CCNT2: variants seen among roughly 807,000 people sequenced by gnomAD.
The protein encoded by CCNT2 is cyclin-T2.
A neutral mutation model predicts 70.0 loss-of-function variants in CCNT2; 18 were observed. The observed-to-expected ratio is 0.26, with a 90% confidence interval of 0.18 to 0.38. The LOEUF (loss-of-function observed/expected upper bound fraction) is 0.38, where lower values mean the gene tolerates loss of function less well. Ranked by LOEUF, CCNT2 falls within the 10% of genes least tolerant of loss-of-function variation. CCNT2 has a pLI of 1.00. For missense variants in CCNT2, 734 were observed against 890.2 expected (o/e 0.82, Z 2.23); for synonymous variants, 334 against 313.3 (o/e 1.07, Z -0.70).
At chr2:134,928,082 T>C (rs376681028) in intron 2 of CCNT2, among the ~76,000 whole-genome samples, 1 of 152,154 alleles carries the variant, frequency 6.6e-6, no homozygotes, top group Admixed American at 6.5e-5. Context: ...GCAATTCTCC[T>C]GCCTCAGCCT....
rs1683061672 is a variant in CCNT2 at position 134,958,856 on chromosome 2, A to G, written c.*4208A>G. On this transcript the variant is annotated 3_prime_UTR_variant, in exon 9 of 9. Transcript: ENST00000264157. ...TACTGTTACCTATTCTGCCTGACAG[A>G]TTGATTAAGTAGGTTGATAAGATCC... The G allele has an allele frequency of 6.6e-6, 1 of 152,140 alleles. No individual in the cohort carries two copies. The highest frequency in any genetic ancestry group is 1.5e-5 in the Non-Finnish European group (1 of 68,038). 9.4% of individuals were successfully genotyped at this position (152,140 alleles called of 1,614,324 possible). A position where few individuals can be genotyped will look rare whatever the true frequency, so the allele number is the denominator to read the frequency against.
intron 2 of CCNT2, 75 bp from the exon 3 acceptor site, chr2:134,936,766 A>C: frequency 7.2e-7 from 1 of 1,387,700 alleles, no homozygotes; most frequent in Non-Finnish European, 9.8e-7. Context: ...AAAAAAAAAC[A>C]GAAAAGAAAA....
rs763695225 is a variant in CCNT2, at chr2:134,954,537, C to G, written c.2082C>G (p.Thr694=). ...AACTGGACAAGAAGCCAGTGGAGACCAACGGTCCTGATGCCAATCACGAGT... is the reference window on the plus strand; with the variant it reads ...AACTGGACAAGAAGCCAGTGGAGACGAACGGTCCTGATGCCAATCACGAGT... ...LVKLDKKPVE[T]NGPDANHEYS... is the part of the protein sequence containing the mutation. Residue 694 remains threonine (T), a synonymous_variant, in exon 9 of 9, where the codon ACC becomes ACG. Transcript: ENST00000264157. 6.2e-7 allele frequency: 1 copy of G among 1,614,032 alleles called. No individual in the cohort carries two copies. Among genetic ancestry groups the G allele is most frequent in the Admixed American group, 1.7e-5 (1 of 60,014 alleles).
chr2:134,921,805 C>T (rs1243676379), intron 2 of CCNT2, among the ~76,000 whole-genome samples: 1 of 152,138 alleles, frequency 6.6e-6, no homozygotes, highest in African/African-American at 2.4e-5. Context: ...AAATGTTTTC[C>T]TTCAATAAAA....
chr2:134,943,208 C>G, intron 5 of CCNT2: 1 of 537,608 alleles, frequency 1.9e-6, no homozygotes, highest in Non-Finnish European at 2.4e-6. Flanking sequence ...CGAGACCAGC[C>G]TGGGCAACAT....
At chr2:134,942,749 GTTTTTC>G in intron 5 of CCNT2, 75 bp downstream of exon 5, 1 of 1,445,074 alleles carries the variant, frequency 6.9e-7, no homozygotes, top group Non-Finnish European at 9.3e-7. Context: ...GTGCTATTTT[GTTTTTC>G]TAGCCTTTTG....
chr2:134,944,124 G>C, intron 5 of CCNT2: 1 of 984,126 alleles, frequency 1.0e-6, no homozygotes, highest in Non-Finnish European at 1.2e-6. Context: ...ATATTTAACT[G>C]TGGTTCCTGT....
At chr2:134,924,295 A>G (rs576558843) in intron 2 of CCNT2, among the ~76,000 whole-genome samples, 10 of 152,322 alleles carry the variant, frequency 6.6e-5, no homozygotes, top group African/African-American at 2.4e-4. Context: ...TTAATTGTAA[A>G]ATATATAAAA....
intron 2 of CCNT2, among the ~76,000 whole-genome samples, chr2:134,931,109 C>CAG (rs1680718427): frequency 6.6e-6 from 1 of 151,594 alleles, no homozygotes; most frequent in South Asian, 2.1e-4. Flanking sequence ...ACTACAGGTG[C>CAG]CTGCCGCCAC....
Position 134,938,984 on chromosome 2 carries a change from A to AAT in CCNT2, c.370-15_370-14dup, listed in dbSNP as rs1236181496. The AAT allele has an allele frequency of 1.3e-6, 2 of 1,538,672 alleles. No homozygotes were observed. Among genetic ancestry groups the AAT allele is most frequent in the Non-Finnish European group, 1.8e-6 (2 of 1,113,246 alleles). ...TTATTTTTATTTTAATCAATTTGAT[A>AAT]ATATTTTTATCTGACAGGCTTACCT... On this transcript the variant is annotated splice_polypyrimidine_tract_variant and intron_variant, in intron 3 of 8. Coordinates refer to ENST00000264157, the MANE Select transcript of CCNT2 (RefSeq NM_058241.3).
intron 2 of CCNT2, 74 bp from the exon 3 acceptor site, chr2:134,936,765 CAG>C: frequency 1.5e-6 from 2 of 1,337,212 alleles, no homozygotes; most frequent in East Asian, 2.5e-5. Flanking sequence ...AAAAAAAAAA[CAG>C]AAAAGAAAAG....
At chr2:134,934,882 G>A (rs1681039279) in intron 2 of CCNT2, among the ~76,000 whole-genome samples, 1 of 152,188 alleles carries the variant, frequency 6.6e-6, no homozygotes, top group Non-Finnish European at 1.5e-5. Context: ...TTTAGCATTT[G>A]AAGGCTTGAT....
chr2:134,920,743 A>G (rs1033739960), intron 2 of CCNT2, among the ~76,000 whole-genome samples: 1 of 152,190 alleles, frequency 6.6e-6, no homozygotes, highest in Admixed American at 6.5e-5. Context: ...TCTGAAAGGT[A>G]TGTGTAGAAA....
Position 134,955,721 on chromosome 2 carries a change from G to A in CCNT2, c.*1073G>A, listed in dbSNP as rs1363460891. 6.6e-6 allele frequency: 1 copy of A among 152,562 alleles called. No individual in the cohort carries two copies. The highest frequency in any genetic ancestry group is 1.5e-5 in the Non-Finnish European group (1 of 68,018). The allele number at this position is 152,562 out of a possible 1,614,324, so 9.5% of individuals were successfully genotyped here. On this transcript the variant is annotated 3_prime_UTR_variant, in exon 9 of 9. Coordinates refer to ENST00000264157, the MANE Select transcript of CCNT2 (RefSeq NM_058241.3). ...CTCCTTCCCTGAAGCGTGTTTGTGT[G>A]TGATGCCATATTTCTTTTTCAGGTA... is the stretch of plus-strand genomic sequence containing the variant.
chr2:134,919,153 G>C (rs1679642831), intron 1 of CCNT2, 141 bp downstream of exon 1: 2 of 977,380 alleles, frequency 2.0e-6, no homozygotes, highest in Non-Finnish European at 1.5e-6. Context: ...GTTCCGGCTC[G>C]GGCAGTCGCG....
rs753909478 is a variant in CCNT2 at position 134,955,916 on chromosome 2, C to T, written c.*1268C>T. The T allele has an allele frequency of 6.6e-6, 1 of 152,594 alleles. No homozygotes were observed. Among genetic ancestry groups the T allele is most frequent in the Admixed American group, 6.5e-5 (1 of 15,282 alleles). The allele number at this position is 152,594 out of a possible 1,614,324, so 9.5% of individuals were successfully genotyped here. ...GAAAAGGTCAGCCTCCCAGGCAAAC[C>T]AGTAGTGGAGGTTTTACATTTGTTT... On this transcript the variant is annotated 3_prime_UTR_variant, in exon 9 of 9. Coordinates refer to ENST00000264157, the MANE Select transcript of CCNT2 (RefSeq NM_058241.3).
At chr2:134,945,642 G>A (rs1372530036) in intron 5 of CCNT2, 7 of 1,213,236 alleles carry the variant, frequency 5.8e-6, no homozygotes, top group Non-Finnish European at 7.3e-6. Context: ...TTTGTGGGGT[G>A]GGGGTTTGTT....
At chr2:134,922,629 G>A (rs1410075648) in intron 2 of CCNT2, among the ~76,000 whole-genome samples, 1 of 152,100 alleles carries the variant, frequency 6.6e-6, no homozygotes, top group Admixed American at 6.5e-5. Flanking sequence ...GGCCTTGCTG[G>A]ATCAAGCTCA....
In CCNT2 at chr2:134,948,720, C is replaced by CTT. The variant is rs11385900; in HGVS notation, c.703+834_703+835dup. ...GATTTCAGCAAGAAAATAGATAACA[C>CTT]TTTTTTTTTTTTTTGAGTCAGTCTC... On this transcript the variant is annotated intron_variant, in intron 7 of 8. Coordinates refer to ENST00000264157, the MANE Select transcript of CCNT2 (RefSeq NM_058241.3). Among the ~76,000 whole-genome samples the CTT allele has an allele frequency of 4.7e-3, 675 of 143,210 alleles. 6 individuals are homozygous for CTT. Among genetic ancestry groups the CTT allele is most frequent in the East Asian group, 0.022 (108 of 4,932 alleles). The allele number at this position is 143,210 out of a possible 152,430, so 94.0% of individuals were successfully genotyped here.
Sources: allele counts gnomAD v4.1 joint callset (sites outside exome capture counted in the v4.1 genomes callset), GRCh38; gene constraint gnomAD v4.1.1; transcripts MANE v1.5; gene names NCBI Gene and HGNC (gene_info 2026-07-23, HGNC 2026-07-21).